The following DYRK4 variants were observed in gnomAD, a reference collection of about 807,000 sequenced individuals.
The protein encoded by DYRK4 is dual specificity tyrosine-phosphorylation-regulated kinase 4.
A neutral mutation model predicts 68.3 loss-of-function variants in DYRK4; 64 were observed. The ratio of observed to expected loss-of-function variants is 0.94; its 90% CI spans 0.77 to 1.15. The LOEUF is 1.15. Among genes scored for constraint, DYRK4 ranks in the 50% most tolerant of loss-of-function variants. The pLI, the probability that DYRK4 is intolerant of heterozygous loss-of-function variation, is 0.00. For synonymous variants in DYRK4, 274 were observed against 289.9 expected (o/e 0.95, Z 0.56); for missense variants, 740 against 764.7 (o/e 0.97, Z 0.38).
intron 2 of DYRK4, among the ~76,000 whole-genome samples, chr12:4,575,552 A>T (rs1352870706): frequency 6.6e-6 from 1 of 151,490 alleles, no homozygotes; most frequent in Non-Finnish European, 1.5e-5. Flanking sequence ...CTCGTGATCC[A>T]CCCGCCCCGA....
intron 2 of DYRK4, among the ~76,000 whole-genome samples, chr12:4,576,431 T>G (rs1944790381): frequency 6.6e-6 from 1 of 152,252 alleles, no homozygotes; most frequent in African/African-American, 2.4e-5. Flanking sequence ...ACAATTTGGT[T>G]GTTTCCAATT....
intron 8 of DYRK4, 157 bp downstream of exon 8, chr12:4,596,886 G>A: frequency 6.8e-7 from 1 of 1,472,184 alleles, no homozygotes; most frequent in East Asian, 2.5e-5. Context: ...GGAGCAAGGA[G>A]GTTGGGATGA....
At chr12:4,607,696 A>C (rs564723354) in intron 12 of DYRK4, among the ~76,000 whole-genome samples, 24 of 152,322 alleles carry the variant, frequency 1.6e-4, no homozygotes, top group African/African-American at 5.8e-4. Context: ...CTCTCCCGGA[A>C]GTTCTCCCCA....
chr12:4,596,862 A>T (rs1306976544), intron 8 of DYRK4, 133 bp downstream of exon 8: 1 of 1,516,696 alleles, frequency 6.6e-7, no homozygotes, highest in Non-Finnish European at 8.7e-7. Flanking sequence ...TCACTCAGTT[A>T]TCCAGAATGC....
At chr12:4,610,036 T>A in intron 12 of DYRK4, 119 bp from the exon 13 acceptor site, 1 of 721,980 alleles carries the variant, frequency 1.4e-6, no homozygotes, top group Non-Finnish European at 2.2e-6. Context: ...GGGTGTGGCA[T>A]GAGGCGAGTG....
At chr12:4,596,538 G>A (rs1280115332) in intron 7 of DYRK4, 51 bp from the exon 8 acceptor site, 6 of 1,595,190 alleles carry the variant, frequency 3.8e-6, no homozygotes, top group Non-Finnish European at 5.1e-6. Flanking sequence ...ACCTGACACT[G>A]ATGTTTCTAT....
chr12:4,577,124 A>G (rs561828664), intron 2 of DYRK4, among the ~76,000 whole-genome samples: 2 of 152,148 alleles, frequency 1.3e-5, no homozygotes, highest in African/African-American at 2.4e-5. Flanking sequence ...TAGAAGTTTT[A>G]TAGTTTCGTG....
At chr12:4,604,883 C>A (rs754651806) in intron 10 of DYRK4, 31 bp from the exon 11 acceptor site, 3 of 1,547,342 alleles carry the variant, frequency 1.9e-6, no homozygotes, top group African/African-American at 2.7e-5. Context: ...GAAGTTTGTC[C>A]CACGAGGTTT....
At position 4,591,112 on chromosome 12, in the gene DYRK4, A is replaced by C. The variant is rs749791647; in HGVS notation, c.325-48A>C. ...GTTAAATAAATGGTTTATGGCCCCCAGGAGAGTCCTAAGTAGTTATTTATT... is the reference window on the plus strand; with the variant it reads ...GTTAAATAAATGGTTTATGGCCCCCCGGAGAGTCCTAAGTAGTTATTTATT... On this transcript the variant is annotated intron_variant, in intron 4 of 14. Coordinates refer to ENST00000543431, the MANE Select transcript of DYRK4 (RefSeq NM_001394779.1). The surrounding 1 kb of genome is among the most constrained non-coding windows in gnomAD (Gnocchi z 4.1). The C allele has an allele frequency of 5.0e-6, 8 of 1,599,144 alleles. No homozygotes were observed. Among genetic ancestry groups the C allele is most frequent in the Non-Finnish European group, 6.8e-6 (8 of 1,172,554 alleles).
intron 1 of DYRK4, 34 bp from the exon 2 acceptor site, chr12:4,567,921 C>T: frequency 6.6e-7 from 1 of 1,520,390 alleles, no homozygotes; most frequent in Non-Finnish European, 8.8e-7. Context: ...TTTGACTCCT[C>T]CTGCCAATTT....
chr12:4,577,098 C>A (rs906082471), intron 2 of DYRK4, among the ~76,000 whole-genome samples: 2 of 152,106 alleles, frequency 1.3e-5, no homozygotes, highest in African/African-American at 4.8e-5. Flanking sequence ...CCTAGATTTT[C>A]TTCTATGTCA....
chr12:4,574,351 C>T (rs2137329544), intron 2 of DYRK4, among the ~76,000 whole-genome samples: 1 of 152,100 alleles, frequency 6.6e-6, no homozygotes, highest in South Asian at 2.1e-4. Flanking sequence ...TATTATTCCA[C>T]TAATTTTCTT....
Position 4,575,298 on chromosome 12 carries a change from A to ATTTTGTGTGTGTGTGTGTGTGTGTGT in DYRK4, c.132+7250_132+7251insTTTTGTGTGTGTGTGTGTGTGTGTGT, listed in dbSNP as rs562026104. On this transcript the variant is annotated intron_variant, in intron 2 of 14. Transcript: ENST00000543431. The stretch of plus-strand genomic sequence containing the variant: ...CTTGCCAATTTACTAACAATAACTT[A>ATTTTGTGTGTGTGTGTGTGTGTGTGT]CTGTGTGTGTGTGTGTGTGTGTGTT... Among the ~76,000 whole-genome samples, 877 of 144,164 alleles carry ATTTTGTGTGTGTGTGTGTGTGTGTGT rather than the reference A, an allele frequency of 6.1e-3. 5 individuals carry two copies. The highest frequency in any genetic ancestry group is 8.6e-3 in the Admixed American group (126 of 14,622). The allele number at this position is 144,164 out of a possible 152,430, so 94.6% of individuals were successfully genotyped here.
At chr12:4,580,966 TG>T (rs1388376107) in intron 2 of DYRK4, 1 of 442,334 alleles carries the variant, frequency 2.3e-6, no homozygotes, top group Non-Finnish European at 4.5e-6. Context: ...CTATCTTCCC[TG>T]AACAGTCCAG....
At chr12:4,597,085 C>G in intron 8 of DYRK4, 1 of 1,104,118 alleles carries the variant, frequency 9.1e-7, no homozygotes, top group Non-Finnish European at 1.1e-6. Flanking sequence ...CTGGCCTGGT[C>G]GTGCAGAGGC....
chr12:4,605,655 A>C (rs1450399002), intron 11 of DYRK4, among the ~76,000 whole-genome samples: 1 of 149,906 alleles, frequency 6.7e-6, no homozygotes, highest in African/African-American at 2.5e-5. Flanking sequence ...TGGTGTGCAA[A>C]TTTTGATAAT....
At chr12:4,572,883 T>C (rs1340334626) in intron 2 of DYRK4, 1 of 188,848 alleles carries the variant, frequency 5.3e-6, no homozygotes, top group East Asian at 1.6e-4. Context: ...TATCAGTGAG[T>C]GTCACACAGT....
chr12:4,612,042 T>C (rs1027386483), intron 13 of DYRK4, among the ~76,000 whole-genome samples: 13 of 152,224 alleles, frequency 8.5e-5, no homozygotes, highest in Admixed American at 2.6e-4. Context: ...TACTCAAGAA[T>C]TGCAGGGTGA....
At chr12:4,574,118 G>A (rs1298381538) in intron 2 of DYRK4, among the ~76,000 whole-genome samples, 3 of 151,794 alleles carry the variant, frequency 2.0e-5, no homozygotes, top group African/African-American at 7.3e-5. Flanking sequence ...CCAGCTGCTC[G>A]GGAGGCTGAG....
Sources: gnomAD v4.1 joint callset for allele counts (sites outside exome capture counted in the v4.1 genomes callset) on GRCh38, gnomAD v4.1.1 for gene constraint, Gnocchi (gnomAD v3.1) non-coding constraint, MANE v1.5 for transcripts, NCBI Gene and HGNC (gene_info 2026-07-23, HGNC 2026-07-21) for gene names.